The following KMT2D variants were observed in gnomAD, a reference collection of about 807,000 sequenced individuals.
KMT2D encodes lysine methyltransferase 2D.
KMT2D carries 55 observed loss-of-function variants against 512.7 expected under a neutral mutation model. The observed-to-expected ratio is 0.11, with a 90% CI of 0.09 to 0.13. The LOEUF (loss-of-function observed/expected upper bound fraction) is 0.13, where lower values mean the gene tolerates loss of function less well. KMT2D is among the 10% of genes least tolerant of loss of function. The pLI is 1.00. For missense variants in KMT2D, 6,061 were observed against 7,127.9 expected, an observed-to-expected ratio of 0.85 and a Z score of 5.39; for synonymous variants, 2,995 against 2,904.0, an observed-to-expected ratio of 1.03 and a Z score of -1.01.
In KMT2D at chr12:49,030,901, G is replaced by T. The variant is rs1341465915; in HGVS notation, c.13663C>A (p.Leu4555Met). Reference sequence around the variant, plus strand: ...GTCTCCTGGGGGGTCACCTGTTTCAGCTGTTTCAGCAAGGCCTCGCTGGCC... The same window carrying T: ...GTCTCCTGGGGGGTCACCTGTTTCATCTGTTTCAGCAAGGCCTCGCTGGCC... ...VRASEALLKQ[L>M]KQELSLLPLT... is the part of the protein sequence containing the mutation. The change falls in exon 41 of 55, where the codon CTG becomes ATG. Residue 4555 changes from leucine (L) to methionine (M), a missense_variant. Coordinates refer to ENST00000301067, the MANE Select transcript of KMT2D (RefSeq NM_003482.4). The T allele has an allele frequency of 1.2e-6, 2 of 1,613,566 alleles. No individual in the cohort carries two copies. Among genetic ancestry groups the T allele is most frequent in the African/African-American group, 1.3e-5 (1 of 74,926 alleles).
At position 49,052,237 on chromosome 12, in the gene KMT2D, T is replaced by A. The variant is rs781413067; in HGVS notation, c.1446A>T (p.Ala482=). Residue 482 remains alanine (A), a synonymous_variant, in exon 11 of 55, where the codon GCA becomes GCT. Coordinates refer to ENST00000301067, the MANE Select transcript of KMT2D (RefSeq NM_003482.4). ...EELPASPLPE[A]LHLSRPLEES... ...CCTCCAGCGGCCGGGACAGGTGCAA[T>A]GCCTCAGGAAGTGGGGATGCGGGCA... The A allele has an allele frequency of 6.2e-7, 1 of 1,610,118 alleles. No individual in the cohort carries two copies. Among genetic ancestry groups the A allele is most frequent in the Non-Finnish European group, 8.5e-7 (1 of 1,178,708 alleles).
In KMT2D at chr12:49,054,801, G is replaced by A. The variant is rs775736179; in HGVS notation, c.177-50C>T. On this transcript the variant is annotated intron_variant, in intron 3 of 54. Transcript: ENST00000301067. This position sits in a 1 kb window ranked among gnomAD's most constrained non-coding sequence, Gnocchi z 6.4. ...CACGCCAGGCCCCCAGCAACCCCAT[G>A]ATCTGGCATGCCCATGCTTCCCCAA... 10 of 1,605,970 alleles carry A rather than the reference G, an allele frequency of 6.2e-6. No homozygotes were observed. In the East Asian group the frequency reaches 2.0e-4, roughly 32 times the overall value.
At position 49,042,423 on chromosome 12, in the gene KMT2D, A is replaced by G; in HGVS notation, c.5868-93T>C. On this transcript the variant is annotated intron_variant, in intron 28 of 54. Coordinates refer to ENST00000301067, the MANE Select transcript of KMT2D (RefSeq NM_003482.4). The surrounding 1 kb of genome is among the most constrained non-coding windows in gnomAD (Gnocchi z 4.4). ...GAGCCCCAGGCCACTGCCCTGCCCC[A>G]AAAGAGGAGGGTCACTAACAAGGGA... 6.7e-7 allele frequency: 1 copy of G among 1,503,492 alleles called. No homozygotes were observed. The highest frequency in any genetic ancestry group is 8.9e-7 in the Non-Finnish European group (1 of 1,119,198). The allele number at this position is 1,503,492 out of a possible 1,614,324, so 93.1% of individuals were successfully genotyped here.
chr12:49,030,142 C>A, intron 43 of KMT2D, 138 bp downstream of exon 43: 1 of 693,154 alleles, frequency 1.4e-6, no homozygotes, highest in Non-Finnish European at 2.4e-6. Flanking sequence ...TGAAAGGGCC[C>A]TTCCTACCTC....
chr12:49,053,079 G>A lies in KMT2D; in HGVS notation c.955-7C>T, dbSNP rs1938181247. On this transcript the variant is annotated splice_polypyrimidine_tract_variant and splice_region_variant and intron_variant, in intron 8 of 54. Transcript: ENST00000301067. ...CCCGGCACACCCGGCACGCCTAAGG[G>A]AAGGGAGTGGGCAAAACAGGCATTG... 6.2e-7 allele frequency: 1 copy of A among 1,613,894 alleles called. No homozygotes were observed. Among genetic ancestry groups the A allele is most frequent in the African/African-American group, 1.3e-5 (1 of 74,936 alleles).
chr12:49,043,740 C>T lies in KMT2D; in HGVS notation c.5362G>A (p.Ala1788Thr), dbSNP rs755651886. The change falls in exon 24 of 55, where the codon GCC becomes ACC. Residue 1788 changes from alanine to threonine, a missense_variant. Transcript: ENST00000301067. ...CGGCCCACCCCAACTGCAAAAAGGG[C>T]CTTACGGCTCAGGTCCAGCAGCTCC... ...GKELLDLSRK[A>T]LFAVGVGRPS... 33 of 1,613,726 alleles carry T rather than the reference C, an allele frequency of 2.0e-5. No homozygotes were observed. The highest frequency in any genetic ancestry group is 2.5e-5 in the Non-Finnish European group (30 of 1,179,766).
rs1943679025 is a variant in KMT2D at position 49,044,238 on chromosome 12, T to G, written c.5150A>C (p.Gln1717Pro). 1 of 1,612,350 alleles carries G rather than the reference T, an allele frequency of 6.2e-7. No homozygotes were observed. The highest frequency in any genetic ancestry group is 8.5e-7 in the Non-Finnish European group (1 of 1,179,850). The stretch of plus-strand genomic sequence containing the variant: ...CCCATCCCCACTCAACACCTCCGCC[T>G]GTGCAGCAGGCCCCTTTTTCGTGCG... ...HTRTKKGPAA[Q>P]AEVLSGDGQP... The change falls in exon 22 of 55, where the codon CAG (glutamine) becomes CCG (proline). Residue 1717 changes from glutamine (Q) to proline (P), a missense_variant. Physicochemically the swap from Gln to Pro is moderately conservative, Grantham distance 76. Coordinates refer to ENST00000301067, the MANE Select transcript of KMT2D (RefSeq NM_003482.4). The surrounding 1 kb of genome is among the most constrained non-coding windows in gnomAD (Gnocchi z 6.4).
Position 49,033,467 on chromosome 12 carries a change from GTGCTGCTGCTGCTGTTGCTGCTGC to G in KMT2D, c.11214_11237del (p.Gln3738_Gln3745del), listed in dbSNP as rs772340299. ...GCTGGATTGCCACCTGTCCTAGAAGGTGCTGCTGCTGCTGTTGCTGCTGCTGCTGCTGCTGCAGTTTCTGGGCCA... is the reference window on the plus strand; with the variant it reads ...GCTGGATTGCCACCTGTCCTAGAAGGTGCTGCTGCTGCAGTTTCTGGGCCA... On this transcript the variant is annotated inframe_deletion, in exon 40 of 55. Coordinates refer to ENST00000301067, the MANE Select transcript of KMT2D (RefSeq NM_003482.4). The G allele has an allele frequency of 5.0e-6, 8 of 1,606,266 alleles. No homozygotes were observed. Among genetic ancestry groups the G allele is most frequent in the Admixed American group, 1.7e-5 (1 of 58,474 alleles).
rs1335074749 is a variant in KMT2D at position 49,039,697 on chromosome 12, G to A, written c.8046+27C>T. The A allele has an allele frequency of 3.1e-6, 5 of 1,608,006 alleles. No homozygotes were observed. Among genetic ancestry groups the A allele is most frequent in the Non-Finnish European group, 3.4e-6 (4 of 1,178,044 alleles). ...GCCCCAGAGACAGGAGCGATATAGG[G>A]GGCTTAGCTCCAGGGTGTCAACTTA... is the stretch of plus-strand genomic sequence containing the variant. On this transcript the variant is annotated intron_variant, in intron 32 of 54. Coordinates refer to ENST00000301067, the MANE Select transcript of KMT2D (RefSeq NM_003482.4). This position sits in a 1 kb window ranked among gnomAD's most constrained non-coding sequence, Gnocchi z 5.0.
intron 1 of KMT2D, among the ~76,000 whole-genome samples, chr12:49,057,544 T>C (rs1938483094): frequency 6.6e-6 from 1 of 152,130 alleles, no homozygotes; most frequent in Non-Finnish European, 1.5e-5. Flanking sequence ...CATGGGGCCA[T>C]GGAAGATGAG....
chr12:49,037,610 A>G lies in KMT2D; in HGVS notation c.9746T>C (p.Ile3249Thr), dbSNP rs2120482708. The stretch of plus-strand genomic sequence containing the variant: ...CTTCTCATGCTCCAACAGGTCCTCA[A>G]TGAGCAGGGGTAACTCGCTGGCTAC... ...SLVASELPLL[I>T]EDLLEHEKKE... The change falls in exon 35 of 55, where the codon ATT becomes ACT. Residue 3249 changes from isoleucine to threonine, a missense_variant. This residue lies in a region of KMT2D where 533 missense variants were observed against 539.6 expected (regional missense o/e 0.99). Transcript: ENST00000301067. 6.4e-7 allele frequency: 1 copy of G among 1,560,100 alleles called. No individual in the cohort carries two copies. The highest frequency in any genetic ancestry group is 8.7e-7 in the Non-Finnish European group (1 of 1,151,894).
rs2120707734 is a variant in KMT2D at position 49,054,336 on chromosome 12, C to T, written c.481G>A (p.Asp161Asn). 1 of 1,596,896 alleles carries T rather than the reference C, an allele frequency of 6.3e-7. No individual in the cohort carries two copies. Among genetic ancestry groups the T allele is most frequent in the Non-Finnish European group, 8.5e-7 (1 of 1,171,938 alleles). The stretch of plus-strand genomic sequence containing the variant: ...GAGATCCCTGAGAAGATGGCCTTGT[C>T]CACACCACATAGTTCTGGGCCCTCC... Reference protein sequence around the residue: ...GQEGPELCGVDKAIFSGISQR... With the variant: ...GQEGPELCGVNKAIFSGISQR... Residue 161 changes from aspartate (D) to asparagine (N), a missense_variant, in exon 5 of 55, where the codon GAC becomes AAC. Asp to Asn is a conservative substitution (Grantham distance 23, BLOSUM62 1). Around this residue, in one of 16 missense-constraint regions of KMT2D, gnomAD observed 160 missense variants for 225.8 expected, o/e 0.71. Transcript: ENST00000301067. This position sits in a 1 kb window ranked among gnomAD's most constrained non-coding sequence, Gnocchi z 6.4.
rs1279854038 is a variant in KMT2D, at chr12:49,033,107, C to T, written c.11598G>A (p.Gln3866=). The T allele has an allele frequency of 6.4e-7, 1 of 1,551,508 alleles. No homozygotes were observed. The highest frequency in any genetic ancestry group is 8.7e-7 in the Non-Finnish European group (1 of 1,146,894). ...QQQQQQQQHQ[Q]QGSMAGLSHL... The stretch of plus-strand genomic sequence containing the variant: ...GGGACAGCCCTGCCATGGACCCTTG[C>T]TGTTGGTGCTGTTGTTGCTGCTGCT... Residue 3866 remains glutamine (Q), a synonymous_variant, in exon 40 of 55, where the codon CAG becomes CAA. Coordinates refer to ENST00000301067, the MANE Select transcript of KMT2D (RefSeq NM_003482.4).
At position 49,019,232 on chromosome 12, in the gene KMT2D, G is replaced by T; in HGVS notation, c.*2548C>A. 3.3e-6 allele frequency: 3 copies of T among 922,400 alleles called. No individual in the cohort carries two copies. Among genetic ancestry groups the T allele is most frequent in the Non-Finnish European group, 4.0e-6 (3 of 748,116 alleles). 57.1% of individuals were successfully genotyped at this position (922,400 alleles called of 1,614,324 possible). A position where few individuals can be genotyped will look rare whatever the true frequency, so the allele number is the denominator to read the frequency against. On this transcript the variant is annotated 3_prime_UTR_variant, in exon 55 of 55. Transcript: ENST00000301067. ...ACACAACACAAAATAAAGTCTTCAC[G>T]GGATTCACACTTGTCAGCGATTTAT...
In KMT2D at chr12:49,041,631, A is replaced by C. The variant is rs2120549693; in HGVS notation, c.6234+24T>G. 1 of 1,613,430 alleles carries C rather than the reference A, an allele frequency of 6.2e-7. No homozygotes were observed. The highest frequency in any genetic ancestry group is 2.2e-5 in the East Asian group (1 of 44,872). ...AGAGGCCACCCACTAGAGGACTGCT[A>C]CACCCCAGCCCAGCCCCACTCACCT... is the stretch of plus-strand genomic sequence containing the variant. On this transcript the variant is annotated intron_variant, in intron 31 of 54. Transcript: ENST00000301067. This position sits in a 1 kb window ranked among gnomAD's most constrained non-coding sequence, Gnocchi z 5.4.
Position 49,053,470 on chromosome 12 carries a change from T to C in KMT2D, c.839+6A>G. The C allele has an allele frequency of 6.2e-7, 1 of 1,611,376 alleles. No homozygotes were observed. On this transcript the variant is annotated splice_donor_region_variant and intron_variant, in intron 7 of 54. Coordinates refer to ENST00000301067, the MANE Select transcript of KMT2D (RefSeq NM_003482.4). ...TAAGACTTTCCTCCTGCCCTTCCAT[T>C]CCTACCTGCAGGCTTGGCACACTTT...
Position 49,032,329 on chromosome 12 carries a change from CAGA to C in KMT2D, c.12373_12375del (p.Ser4125del). The C allele has an allele frequency of 6.2e-7, 1 of 1,613,784 alleles. No homozygotes were observed. Among genetic ancestry groups the C allele is most frequent in the Non-Finnish European group, 8.5e-7 (1 of 1,179,770 alleles). On this transcript the variant is annotated inframe_deletion, in exon 40 of 55. Transcript: ENST00000301067. Reference sequence around the variant, plus strand: ...AGCAGGTGGGGCACAGATGAGGCCTCAGAAGATGATCCACTGCCTAGCTGCCCA... The same window carrying C: ...AGCAGGTGGGGCACAGATGAGGCCTCAGATGATCCACTGCCTAGCTGCCCA...
In KMT2D at chr12:49,042,775, G is replaced by A. The variant is rs2120560047; in HGVS notation, c.5748C>T (p.Gly1916=). 6.2e-7 allele frequency: 1 copy of A among 1,613,940 alleles called. No individual in the cohort carries two copies. Among genetic ancestry groups the A allele is most frequent in the African/African-American group, 1.3e-5 (1 of 75,046 alleles). Residue 1916 remains glycine, a synonymous_variant, in exon 27 of 55, where the codon GGC becomes GGT. Transcript: ENST00000301067. The surrounding 1 kb of genome is among the most constrained non-coding windows in gnomAD (Gnocchi z 4.4). ...AGGGCCTCTGCAGTGGCGTACGGCT[G>A]CCTTCTAGGCCAGGGGTTCCACAAC... The part of the protein sequence containing the change: ...HLGCGTPGLE[G]SRTPLQRPFL...
In KMT2D at chr12:49,051,861, G is replaced by T. The variant is rs1242530200; in HGVS notation, c.1822C>A (p.Leu608Met). 1 of 1,612,336 alleles carries T rather than the reference G, an allele frequency of 6.2e-7. No individual in the cohort carries two copies. Among genetic ancestry groups the T allele is most frequent in the African/African-American group, 1.3e-5 (1 of 74,442 alleles). ...GGAGACTCCTCAGGTGGAGGGGACA[G>T]AGGAGACTCTTCAAATGGTGGGAAC... Reference protein sequence around the residue: ...RLFPPFEESPLSPPPEESPLS... With the variant: ...RLFPPFEESPMSPPPEESPLS... Residue 608 changes from leucine (L) to methionine (M), a missense_variant, in exon 11 of 55, where the codon CTG becomes ATG. Transcript: ENST00000301067.
Sources: allele counts gnomAD v4.1 joint callset (sites outside exome capture counted in the v4.1 genomes callset), GRCh38; gene constraint gnomAD v4.1.1; regional missense constraint gnomAD v4.1.1; non-coding constraint Gnocchi (gnomAD v3.1); transcripts MANE v1.5; gene names NCBI Gene and HGNC (gene_info 2026-07-23, HGNC 2026-07-21).